CCNQ: variants seen among roughly 807,000 people sequenced by gnomAD.
CCNQ encodes the protein cyclin-Q.
CCNQ carries 3 observed loss-of-function variants against 17.7 expected under a neutral mutation model. The ratio of observed to expected loss-of-function variants is 0.17; its 90% confidence interval spans 0.08 to 0.44. The LOEUF is 0.44. CCNQ is among the 20% of genes least tolerant of loss of function. The probability of loss-of-function intolerance (pLI) is 0.99; values close to 1 mark genes in which losing one functional copy is unlikely to be tolerated. For synonymous variants in CCNQ, 73 were observed against 96.0 expected, an observed-to-expected ratio of 0.76 and a Z score of 1.40; for missense variants, 146 against 222.6, an observed-to-expected ratio of 0.66 and a Z score of 2.19.
chrX:153,594,366 G>A (rs1048954219), intron 3 of CCNQ, among the ~76,000 whole-genome samples, 181 bp downstream of exon 3: 2 of 113,100 alleles, frequency 1.8e-5, no homozygotes, highest in Non-Finnish European at 3.7e-5. Context: ...GGGGTGGGAC[G>A]GGAGAGGCCG....
chrX:153,588,880 C>A (rs1253928301), intron 4 of CCNQ, among the ~76,000 whole-genome samples: 1 of 112,985 alleles, frequency 8.9e-6, no homozygotes, highest in Non-Finnish European at 1.9e-5. Flanking sequence ...TACCCTAACC[C>A]AGCCCCTGGG....
chrX:153,587,975 C>A lies in CCNQ; in HGVS notation c.*390G>T. The stretch of plus-strand genomic sequence containing the variant: ...CAAAATAGATTTCAGCCACGTTGCA[C>A]ATTCATTCTCCCTACAAATCTGGCT... On this transcript the variant is annotated 3_prime_UTR_variant, in exon 5 of 5. Coordinates refer to ENST00000576892, the MANE Select transcript of CCNQ (RefSeq NM_152274.5). The A allele has an allele frequency of 6.4e-6, 2 of 313,100 alleles. No individual in the cohort carries two copies. The highest frequency in any genetic ancestry group is 1.2e-5 in the Non-Finnish European group (2 of 173,184). 25.8% of individuals were successfully genotyped at this position (313,100 alleles called of 1,213,427 possible).
In CCNQ at chrX:153,588,204, A is replaced by C. The variant is rs781853813; in HGVS notation, c.*161T>G. On this transcript the variant is annotated 3_prime_UTR_variant, in exon 5 of 5. Coordinates refer to ENST00000576892, the MANE Select transcript of CCNQ (RefSeq NM_152274.5). ...TGCACCGCGACTTCTAGGGACTGGC[A>C]AAGCGGCAGCATGCCATTGCCTTCT... is the stretch of plus-strand genomic sequence containing the variant. 1.8e-6 allele frequency: 1 copy of C among 564,377 alleles called. No individual in the cohort carries two copies. The highest frequency in any genetic ancestry group is 2.3e-5 in the South Asian group (1 of 43,610). The allele number at this position is 564,377 out of a possible 1,213,427, so 46.5% of individuals were successfully genotyped here. A position where few individuals can be genotyped will look rare whatever the true frequency, so the allele number is the denominator to read the frequency against.
In CCNQ at chrX:153,598,946, C is replaced by T. The variant is rs1557027693; in HGVS notation, c.112+16G>A. On this transcript the variant is annotated intron_variant, in intron 1 of 4. Transcript: ENST00000576892. ...CCGCGGCGCCGCCTGTCCTGGCCTC[C>T]CCCGGCCGCGGTTACCTGCCTCCAT... 2.7e-6 allele frequency: 3 copies of T among 1,114,082 alleles called. No homozygotes were observed. Among genetic ancestry groups the T allele is most frequent in the Admixed American group, 2.6e-5 (1 of 38,215 alleles). The allele number at this position is 1,114,082 out of a possible 1,213,427, so 91.8% of individuals were successfully genotyped here.
At chrX:153,592,236 G>A (rs1469693600) in intron 4 of CCNQ, among the ~76,000 whole-genome samples, 1 of 112,564 alleles carries the variant, frequency 8.9e-6, no homozygotes, top group African/African-American at 3.2e-5. Flanking sequence ...AGTAAAAGCG[G>A]TTCTCCGCTG....
intron 3 of CCNQ, among the ~76,000 whole-genome samples, chrX:153,594,088 A>G (rs2091010450): frequency 8.9e-6 from 1 of 112,912 alleles, no homozygotes; most frequent in South Asian, 3.6e-4. Context: ...AAGTTAAAGC[A>G]TGCTGCTTGA....
Position 153,592,615 on chromosome X carries a change from C to A in CCNQ, c.548G>T (p.Cys183Phe). The A allele has an allele frequency of 8.3e-7, 1 of 1,211,189 alleles. No individual in the cohort carries two copies. Among genetic ancestry groups the A allele is most frequent in the Non-Finnish European group, 1.1e-6 (1 of 895,086 alleles). Residue 183 changes from cysteine to phenylalanine, a missense_variant, in exon 4 of 5, where the codon TGC (cysteine) becomes TTC (phenylalanine). Physicochemically the swap from Cys to Phe is radical, Grantham distance 205. Transcript: ENST00000576892. ...GATGTGCTGGGCCTGGAAGCGGAGG[C>A]ACAGCGCCCCATGGTAGCTGTCCCG... ...LLRDSYHGAL[C>F]LRFQAQHIAV...
intron 4 of CCNQ, among the ~76,000 whole-genome samples, chrX:153,592,133 G>T (rs1029255342): frequency 8.9e-6 from 1 of 112,121 alleles, no homozygotes; most frequent in South Asian, 3.7e-4. Flanking sequence ...CACCTACCTA[G>T]CCATCCAGCC....
chrX:153,595,681 T>TGCTACTGTTTCTGG (rs1569536921), intron 2 of CCNQ, among the ~76,000 whole-genome samples: 18 of 112,339 alleles, frequency 1.6e-4, no homozygotes, highest in African/African-American at 5.8e-4. Flanking sequence ...CCTGCAGCCA[T>TGCTACTGTTTCTGG]CCCTGTCTAA....
Position 153,587,954 on chromosome X carries a change from A to T in CCNQ, c.*411T>A. 1 of 282,904 alleles carries T rather than the reference A, an allele frequency of 3.5e-6. No individual in the cohort carries two copies. The allele number at this position is 282,904 out of a possible 1,213,427, so 23.3% of individuals were successfully genotyped here. ...CTTGTATCACCTTTTATTACACAAA[A>T]TAGATTTCAGCCACGTTGCACATTC... On this transcript the variant is annotated 3_prime_UTR_variant, in exon 5 of 5. Transcript: ENST00000576892.
At chrX:153,590,429 C>T (rs924692180) in intron 4 of CCNQ, among the ~76,000 whole-genome samples, 21 of 109,912 alleles carry the variant, frequency 1.9e-4, no homozygotes, top group African/African-American at 5.3e-4. Flanking sequence ...AAGGCCCGCA[C>T]TGTAGGATTC....
intron 2 of CCNQ, among the ~76,000 whole-genome samples, chrX:153,595,199 C>G (rs1458105188): frequency 2.6e-5 from 3 of 113,474 alleles, no homozygotes; most frequent in Non-Finnish European, 5.6e-5. Flanking sequence ...CTCACTGCAG[C>G]CTTGACCTCC....
chrX:153,595,285 T>C (rs1180224277), intron 2 of CCNQ, among the ~76,000 whole-genome samples: 2 of 109,613 alleles, frequency 1.8e-5, no homozygotes, highest in East Asian at 2.9e-4. Flanking sequence ...GCCCGGCTAA[T>C]TTTTGTATTT....
chrX:153,591,516 C>T (rs1557025767), intron 4 of CCNQ, among the ~76,000 whole-genome samples: 1 of 111,748 alleles, frequency 8.9e-6, no homozygotes, highest in East Asian at 2.8e-4. Flanking sequence ...GCGCAGAAGA[C>T]AGAGCAGAAA....
intron 1 of CCNQ, among the ~76,000 whole-genome samples, chrX:153,596,709 T>G (rs2148302743): frequency 8.9e-6 from 1 of 112,565 alleles, no homozygotes; most frequent in African/African-American, 3.2e-5. Context: ...TGAGCACTGG[T>G]TTCGTAGTCC....
chrX:153,592,417 G>C, intron 4 of CCNQ, 89 bp downstream of exon 4: 1 of 920,829 alleles, frequency 1.1e-6, no homozygotes, highest in Non-Finnish European at 1.5e-6. Context: ...CTTTCTTCAT[G>C]GATAATTAAT....
chrX:153,589,790 G>A lies in CCNQ; in HGVS notation c.658-1336C>T, dbSNP rs370509869. 1.3e-4 allele frequency among the ~76,000 whole-genome samples: 15 copies of A among 112,141 alleles called. 2 individuals are homozygous for A. The East Asian group carries it at 4.2e-3, about 32-fold the overall frequency. ...TCAGGTAGGAGATGGTGACCTGGAC[G>A]CCCTCCAAGTCCTGACTCAGGAAGC... On this transcript the variant is annotated intron_variant, in intron 4 of 4. Transcript: ENST00000576892.
chrX:153,589,617 T>C (rs2090977278), intron 4 of CCNQ, among the ~76,000 whole-genome samples: 1 of 112,803 alleles, frequency 8.9e-6, no homozygotes, highest in South Asian at 3.6e-4. Context: ...GCTGCGTCTG[T>C]AGCCACCCTG....
In CCNQ at chrX:153,589,686, G is replaced by C. The variant is rs534818597; in HGVS notation, c.658-1232C>G. 2.4e-4 allele frequency among the ~76,000 whole-genome samples: 27 copies of C among 112,835 alleles called. No homozygotes were observed. The South Asian group carries it at 9.4e-3, about 39-fold the overall frequency. On this transcript the variant is annotated intron_variant, in intron 4 of 4. Coordinates refer to ENST00000576892, the MANE Select transcript of CCNQ (RefSeq NM_152274.5). ...CAATCAGATCAAGGCCTTGGGCCAA[G>C]TCAAGGCAAGAACTGGACCTACGTC...
Sources: gnomAD v4.1 joint callset for allele counts (sites outside exome capture counted in the v4.1 genomes callset) on GRCh38, gnomAD v4.1.1 for gene constraint, MANE v1.5 for transcripts, NCBI Gene and HGNC (gene_info 2026-07-23, HGNC 2026-07-21) for gene names.